The following PSMG2 variants were observed in gnomAD, a reference collection of about 807,000 sequenced individuals.
PSMG2 encodes the protein proteasome assembly chaperone 2, also known as CD40 ligand-activated specific transcript 3.
In PSMG2, 21 loss-of-function variants were observed where a neutral mutation model predicts 31.5. The observed-to-expected ratio is 0.67, with a 90% CI of 0.47 to 0.96. The LOEUF (loss-of-function observed/expected upper bound fraction) is 0.96. Ranked by LOEUF, PSMG2 falls within the 40% of genes least tolerant of loss-of-function variation. The pLI is 0.00. For missense variants in PSMG2, 318 were observed against 321.2 expected, an observed-to-expected ratio of 0.99 and a Z score of 0.08; for synonymous variants, 120 against 110.4, an observed-to-expected ratio of 1.09 and a Z score of -0.54.
intron 3 of PSMG2, among the ~76,000 whole-genome samples, chr18:12,716,258 A>G (rs1225848213): frequency 2.6e-5 from 4 of 152,090 alleles, no homozygotes; most frequent in African/African-American, 9.7e-5. Flanking sequence ...TATATACCCA[A>G]AGTTTTGCAG....
rs141149668 is a variant in PSMG2 at position 12,691,552 on chromosome 18, G to A, written c.-36-14998G>A. The A allele has an allele frequency of 4.7e-3, 5,871 of 1,239,018 alleles. 22 individuals carry two copies. The highest frequency in any genetic ancestry group is 5.7e-3 in the Non-Finnish European group (5,064 of 884,180). The allele number at this position is 1,239,018 out of a possible 1,614,324, so 76.8% of individuals were successfully genotyped here. A position where few individuals can be genotyped will look rare whatever the true frequency, so the allele number is the denominator to read the frequency against. On this transcript the variant is annotated intron_variant, in intron 1 of 6. Coordinates refer to the PSMG2 transcript ENST00000585331. ...ATCTTTAATTACTACAAAATATGTAGCAAATTTATCTACTTCTCTACATCA... is the reference window on the plus strand; with the variant it reads ...ATCTTTAATTACTACAAAATATGTAACAAATTTATCTACTTCTCTACATCA...
intron 1 of PSMG2, among the ~76,000 whole-genome samples, chr18:12,690,762 C>T (rs1348607290): frequency 6.6e-6 from 1 of 151,960 alleles, no homozygotes; most frequent in African/African-American, 2.4e-5. Context: ...GCTGACCTGA[C>T]CATATATTTT....
intron 1 of PSMG2, among the ~76,000 whole-genome samples, chr18:12,696,372 G>A (rs1433641860): frequency 2.0e-5 from 3 of 152,004 alleles, no homozygotes; most frequent in Non-Finnish European, 4.4e-5. Context: ...GTGTGGTGGT[G>A]CATGCCTGTA....
At chr18:12,670,785 C>G (rs776001760) in intron 1 of PSMG2, 8 of 151,794 alleles carry the variant, frequency 5.3e-5, no homozygotes, top group Non-Finnish European at 1.0e-4. Flanking sequence ...GCAGCTGGGA[C>G]CACAGGTGTG....
chr18:12,685,029 T>A (rs1598635705), intron 1 of PSMG2: 1 of 151,980 alleles, frequency 6.6e-6, no homozygotes, highest in East Asian at 1.9e-4. Context: ...TTTTATGGAG[T>A]TTCGCTCGTT....
intron 1 of PSMG2, among the ~76,000 whole-genome samples, chr18:12,669,359 G>A (rs188962428): frequency 5.3e-5 from 8 of 151,988 alleles, no homozygotes; most frequent in South Asian, 2.1e-4. Context: ...TGATCCGCCC[G>A]CCTTGGCCTT....
intron 4 of PSMG2, among the ~76,000 whole-genome samples, 188 bp downstream of exon 4, chr18:12,718,823 G>A (rs968234312): frequency 2.6e-5 from 4 of 152,188 alleles, no homozygotes; most frequent in African/African-American, 9.6e-5. Context: ...CAGTTCCTGT[G>A]AGCTTAGTAG....
intron 1 of PSMG2, among the ~76,000 whole-genome samples, chr18:12,666,636 G>A (rs951687947): frequency 6.0e-5 from 9 of 151,156 alleles, no homozygotes; most frequent in Admixed American, 4.0e-4. Flanking sequence ...TTTTGGTAGA[G>A]ACAGGGTTTC....
chr18:12,707,052 T>C (rs1255163452), intron 2 of PSMG2, among the ~76,000 whole-genome samples: 1 of 152,144 alleles, frequency 6.6e-6, no homozygotes, highest in Non-Finnish European at 1.5e-5. Context: ...GCCTCCCGGG[T>C]TCACGCCATT....
intron 1 of PSMG2, among the ~76,000 whole-genome samples, chr18:12,660,314 A>G (rs1175616868): frequency 2.1e-5 from 3 of 143,528 alleles, no homozygotes; most frequent in African/African-American, 8.1e-5. Flanking sequence ...CAATGGAAAA[A>G]GATGCATTTT....
chr18:12,694,804 C>T (rs971935782), intron 1 of PSMG2, among the ~76,000 whole-genome samples: 1 of 151,658 alleles, frequency 6.6e-6, no homozygotes, highest in Non-Finnish European at 1.5e-5. Flanking sequence ...CTCCTCTTAC[C>T]GGTTCACGCC....
chr18:12,670,872 C>T, intron 1 of PSMG2: 1 of 152,000 alleles, frequency 6.6e-6, no homozygotes, highest in Non-Finnish European at 1.5e-5. Context: ...TGGTCTTAAA[C>T]TCCTGAACCC....
chr18:12,703,134 C>T lies in PSMG2; in HGVS notation c.27C>T (p.Ala9=), dbSNP rs1270794606. Residue 9 remains alanine (A), a synonymous_variant, in exon 1 of 7, where the codon GCC becomes GCT. Coordinates refer to ENST00000317615, the MANE Select transcript of PSMG2 (RefSeq NM_020232.5). MFVPCGES[A]PDLAGFTLLM... The stretch of plus-strand genomic sequence containing the variant: ...TGTTCGTTCCCTGCGGGGAGTCGGC[C>T]CCCGACCTTGCCGGCTTCACCCTCC... 1.2e-6 allele frequency: 2 copies of T among 1,612,346 alleles called. No individual in the cohort carries two copies. Among genetic ancestry groups the T allele is most frequent in the Non-Finnish European group, 1.7e-6 (2 of 1,179,590 alleles).
chr18:12,678,418 A>G, intron 1 of PSMG2: 1 of 1,612,900 alleles, frequency 6.2e-7, no homozygotes, highest in South Asian at 1.1e-5. Context: ...GAGGTTCATC[A>G]GGATTGGTAG....
chr18:12,702,524 AG>A (rs750749678), upstream of PSMG2: 1 of 1,609,062 alleles, frequency 6.2e-7, no homozygotes, highest in Non-Finnish European at 8.5e-7. Flanking sequence ...TTCAGCTCGG[AG>A]GCTTTCTCCG....
At chr18:12,701,040 T>C, upstream of PSMG2, 1 of 1,613,594 alleles carries the variant, frequency 6.2e-7, no homozygotes. Context: ...TGTTGATAAA[T>C]GCTGTTGATC....
chr18:12,659,659 G>A (rs965236178), intron 1 of PSMG2, among the ~76,000 whole-genome samples: 1 of 152,092 alleles, frequency 6.6e-6, no homozygotes, highest in Non-Finnish European at 1.5e-5. Context: ...GACAGAGCGA[G>A]AGTCTGTCTC....
At chr18:12,668,003 G>A (rs1302099943) in intron 1 of PSMG2, among the ~76,000 whole-genome samples, 3 of 151,890 alleles carry the variant, frequency 2.0e-5, no homozygotes, top group Admixed American at 1.3e-4. Flanking sequence ...AGTGGCTCAC[G>A]CCTGTAATCC....
intron 1 of PSMG2, among the ~76,000 whole-genome samples, chr18:12,681,996 T>TA (rs1163314226): frequency 0.029 from 3,902 of 136,046 alleles, 128 homozygotes; most frequent in African/African-American, 0.081. Context: ...ACTCTGTCTC[T>TA]AAAAAAAAAA....
Sources: allele counts gnomAD v4.1 joint callset (sites outside exome capture counted in the v4.1 genomes callset), GRCh38; gene constraint gnomAD v4.1.1; transcripts MANE v1.5; gene names NCBI Gene and HGNC (gene_info 2026-07-23, HGNC 2026-07-21).